Variants in RAB31 observed in about 807,000 individuals in gnomAD.
RAB31 encodes ras-related protein Rab-31.
Under a neutral mutation model 25.6 loss-of-function variants are expected in RAB31, and 21 were observed. That is an observed-to-expected ratio of 0.82 (90% CI 0.58 to 1.18). The LOEUF (loss-of-function observed/expected upper bound fraction) is 1.18, where lower values mean the gene tolerates loss of function less well. Among genes scored for constraint, RAB31 ranks in the 50% most tolerant of loss-of-function variants. The pLI is 0.00. For missense variants in RAB31, 196 were observed against 250.1 expected, an observed-to-expected ratio of 0.78 and a Z score of 1.46; for synonymous variants, 87 against 84.0, an observed-to-expected ratio of 1.04 and a Z score of -0.20.
chr18:9,792,625 G>A (rs1299006983), intron 3 of RAB31, among the ~76,000 whole-genome samples: 2 of 152,174 alleles, frequency 1.3e-5, no homozygotes, highest in African/African-American at 4.8e-5. Context: ...AGCAACTACT[G>A]GCTGAGCATG....
At chr18:9,804,804 G>T (rs2068531681) in intron 3 of RAB31, among the ~76,000 whole-genome samples, 1 of 129,372 alleles carries the variant, frequency 7.7e-6, no homozygotes, top group African/African-American at 3.0e-5. Flanking sequence ...GGTGGAAGGT[G>T]CCAGACTCCC....
At chr18:9,847,612 G>A (rs1276502831) in intron 6 of RAB31, among the ~76,000 whole-genome samples, 3 of 152,038 alleles carry the variant, frequency 2.0e-5, no homozygotes. Context: ...AGTCTTTGTT[G>A]CTCAGGCTGG....
At chr18:9,846,535 G>A (rs962291291) in intron 6 of RAB31, among the ~76,000 whole-genome samples, 1 of 152,142 alleles carries the variant, frequency 6.6e-6, no homozygotes, top group African/African-American at 2.4e-5. Context: ...TACTGGCCCT[G>A]AAGTTCCTGG....
intron 1 of RAB31, among the ~76,000 whole-genome samples, chr18:9,710,126 C>T (rs530348036): frequency 6.6e-6 from 1 of 152,314 alleles, no homozygotes; most frequent in Non-Finnish European, 1.5e-5. Flanking sequence ...GTCTCTATGT[C>T]CTCCTACCAG....
chr18:9,732,432 C>A (rs2068128255), intron 1 of RAB31, among the ~76,000 whole-genome samples: 1 of 152,220 alleles, frequency 6.6e-6, no homozygotes, highest in African/African-American at 2.4e-5. Flanking sequence ...TACATTAGAC[C>A]CTGTGGTGAC....
chr18:9,746,731 C>T (rs1223104053), intron 1 of RAB31, among the ~76,000 whole-genome samples: 2 of 152,156 alleles, frequency 1.3e-5, no homozygotes, highest in South Asian at 4.1e-4. Context: ...AGTTTAATCC[C>T]TACTTACACA....
intron 2 of RAB31, among the ~76,000 whole-genome samples, chr18:9,778,998 G>A (rs67306066): frequency 0.14 from 20,843 of 152,180 alleles, 2,089 homozygotes; most frequent in African/African-American, 0.28. Flanking sequence ...CATCATAAAG[G>A]TCTTCATCCT....
intron 1 of RAB31, among the ~76,000 whole-genome samples, chr18:9,755,758 T>C (rs932089704): frequency 6.6e-6 from 1 of 152,130 alleles, no homozygotes; most frequent in Non-Finnish European, 1.5e-5. Context: ...TCACACCCCC[T>C]CTCTCCTTTG....
At chr18:9,812,529 C>A (rs1052030049) in intron 3 of RAB31, among the ~76,000 whole-genome samples, 4 of 143,676 alleles carry the variant, frequency 2.8e-5, no homozygotes, top group African/African-American at 1.2e-4. Flanking sequence ...TAAGTGTCTC[C>A]TTATTTTTAT....
chr18:9,763,588 TAAAG>T (rs768945075), intron 1 of RAB31, among the ~76,000 whole-genome samples: 46 of 122,362 alleles, frequency 3.8e-4, no homozygotes, highest in Admixed American at 6.1e-4. Context: ...AGATAGAAAA[TAAAG>T]AAAAAAATTA....
chr18:9,829,040 C>T (rs114217978), intron 5 of RAB31, among the ~76,000 whole-genome samples: 1,609 of 152,150 alleles, frequency 0.011, 36 homozygotes, highest in African/African-American at 0.036. Flanking sequence ...CCCAGAGAGC[C>T]CATCAAAGGC....
chr18:9,708,355 G>C lies in RAB31; in HGVS notation c.-51G>C. ...AGAGACGCCGGCGGGGCGCGGGCGCGGCGGCCCCGGAGGATGCTGCTGAGC... is the reference window on the plus strand; with the variant it reads ...AGAGACGCCGGCGGGGCGCGGGCGCCGCGGCCCCGGAGGATGCTGCTGAGC... On this transcript the variant is annotated 5_prime_UTR_variant, in exon 1 of 7. Coordinates refer to ENST00000578921, the MANE Select transcript of RAB31 (RefSeq NM_006868.4). This position sits in a 1 kb window ranked among gnomAD's most constrained non-coding sequence, Gnocchi z 6.4. 1 of 1,417,246 alleles carries C rather than the reference G, an allele frequency of 7.1e-7. No individual in the cohort carries two copies. The highest frequency in any genetic ancestry group is 9.4e-7 in the Non-Finnish European group (1 of 1,068,520). 87.8% of individuals were successfully genotyped at this position (1,417,246 alleles called of 1,614,324 possible).
At chr18:9,774,041 T>G (rs1156230653) in intron 1 of RAB31, among the ~76,000 whole-genome samples, 1 of 152,176 alleles carries the variant, frequency 6.6e-6, no homozygotes, top group African/African-American at 2.4e-5. Context: ...TGTGTGTGTG[T>G]GTGGAGGGGA....
At chr18:9,770,801 A>C (rs531892607) in intron 1 of RAB31, among the ~76,000 whole-genome samples, 1 of 151,930 alleles carries the variant, frequency 6.6e-6, no homozygotes, top group Non-Finnish European at 1.5e-5. Flanking sequence ...GAGCTATGCA[A>C]CGTGAAACCA....
At chr18:9,735,420 G>T in intron 1 of RAB31, 1 of 217,974 alleles carries the variant, frequency 4.6e-6, no homozygotes. Context: ...TCCTCTTTAA[G>T]TGGTAATGCC....
At chr18:9,831,526 G>C (rs2068678484) in intron 5 of RAB31, among the ~76,000 whole-genome samples, 1 of 152,196 alleles carries the variant, frequency 6.6e-6, no homozygotes, top group South Asian at 2.1e-4. Flanking sequence ...TTTGTAGGCA[G>C]GACCAGGCTT....
intron 2 of RAB31, among the ~76,000 whole-genome samples, chr18:9,789,729 A>C (rs1013119644): frequency 1.3e-5 from 2 of 152,214 alleles, no homozygotes; most frequent in Non-Finnish European, 2.9e-5. Context: ...TAATAAAGAC[A>C]TTAACATTTT....
chr18:9,733,230 G>A (rs2068132381), intron 1 of RAB31, among the ~76,000 whole-genome samples: 1 of 152,152 alleles, frequency 6.6e-6, no homozygotes, highest in Non-Finnish European at 1.5e-5. Context: ...GGAATAAATT[G>A]AGCTTAACAT....
chr18:9,787,331 C>T (rs995275289), intron 2 of RAB31: 21 of 187,596 alleles, frequency 1.1e-4, no homozygotes. Context: ...GATAATCCAT[C>T]CCAGAGAGAA....
Sources: gnomAD v4.1 joint callset for allele counts (sites outside exome capture counted in the v4.1 genomes callset) on GRCh38, gnomAD v4.1.1 for gene constraint, Gnocchi (gnomAD v3.1) non-coding constraint, MANE v1.5 for transcripts, NCBI Gene and HGNC (gene_info 2026-07-23, HGNC 2026-07-21) for gene names.